The following ATXN8OS variants were observed in gnomAD, a reference collection of about 807,000 sequenced individuals.
ATXN8OS encodes ATXN8 opposite strand (non-protein coding).
intron 2 of ATXN8OS, among the ~76,000 whole-genome samples, chr13:70,124,351 G>T (rs1413146803): frequency 6.6e-6 from 1 of 152,094 alleles, no homozygotes; most frequent in African/African-American, 2.4e-5. Flanking sequence ...TCACGAGGTT[G>T]TGTGCAGAAA....
chr13:70,144,766 A>G (rs1315577208), intron 3 of ATXN8OS, among the ~76,000 whole-genome samples: 3 of 152,142 alleles, frequency 2.0e-5, no homozygotes, highest in Admixed American at 6.6e-5. Context: ...GACATCACCA[A>G]ACTTAAATCA....
At chr13:70,166,219 G>T (rs1347600494) in intron 4 of ATXN8OS, among the ~76,000 whole-genome samples, 1 of 151,902 alleles carries the variant, frequency 6.6e-6, no homozygotes, top group Non-Finnish European at 1.5e-5. Flanking sequence ...TCAATCCTAG[G>T]CCAAAAGAAC....
intron 4 of ATXN8OS, among the ~76,000 whole-genome samples, chr13:70,152,685 A>T (rs1186102468): frequency 1.3e-5 from 2 of 152,102 alleles, no homozygotes; most frequent in African/African-American, 4.8e-5. Flanking sequence ...GAAGCCTCTC[A>T]CGTCTTTTAA....
At chr13:70,110,209 T>C (rs1232954586) in intron 1 of ATXN8OS, among the ~76,000 whole-genome samples, 1 of 152,230 alleles carries the variant, frequency 6.6e-6, no homozygotes, top group East Asian at 1.9e-4. Context: ...AGCCTATTTG[T>C]TAGTCTTGTA....
chr13:70,107,850 C>T (rs1231133925), exon 1 of ATXN8OS: 1 of 610,672 alleles, frequency 1.6e-6, no homozygotes, highest in Non-Finnish European at 2.7e-6. Flanking sequence ...GGGCTGCGCG[C>T]TCTGCCAGGC....
At chr13:70,107,511 G>A, upstream of ATXN8OS, 2 of 1,611,754 alleles carry the variant, frequency 1.2e-6, no homozygotes, top group African/African-American at 1.4e-5. Context: ...TGCTCACACC[G>A]CTTCTCTCTT....
chr13:70,166,565 G>A (rs1456373066), intron 4 of ATXN8OS, among the ~76,000 whole-genome samples: 2 of 152,038 alleles, frequency 1.3e-5, no homozygotes, highest in African/African-American at 2.4e-5. Context: ...AAAAACCCTA[G>A]AAGAAAACGT....
chr13:70,163,370 T>C (rs997503292), intron 4 of ATXN8OS, among the ~76,000 whole-genome samples: 2 of 151,516 alleles, frequency 1.3e-5, no homozygotes, highest in Non-Finnish European at 3.0e-5. Flanking sequence ...CACAAAATCA[T>C]CTCCCTTGAA....
At chr13:70,136,150 T>C (rs138991893) in intron 3 of ATXN8OS, among the ~76,000 whole-genome samples, 252 of 152,310 alleles carry the variant, frequency 1.7e-3, no homozygotes, top group African/African-American at 5.9e-3. Context: ...ATCAGTTGTT[T>C]GCCTGTGATT....
intron 2 of ATXN8OS, among the ~76,000 whole-genome samples, chr13:70,121,309 C>A (rs1888357384): frequency 6.6e-6 from 1 of 152,076 alleles, no homozygotes; most frequent in East Asian, 1.9e-4. Context: ...ACATAAAGAT[C>A]ACTGCTCATG....
intron 4 of ATXN8OS, among the ~76,000 whole-genome samples, chr13:70,150,405 G>A (rs1230813745): frequency 6.6e-6 from 1 of 152,074 alleles, no homozygotes; most frequent in Non-Finnish European, 1.5e-5. Context: ...ATATATTACA[G>A]GGTGTAACAA....
At chr13:70,122,471 T>C (rs1888373026) in intron 2 of ATXN8OS, among the ~76,000 whole-genome samples, 2 of 152,046 alleles carry the variant, frequency 1.3e-5, no homozygotes, top group East Asian at 3.8e-4. Flanking sequence ...AAACATGCAA[T>C]GTCATTCATT....
At chr13:70,154,764 G>C (rs753431453) in intron 4 of ATXN8OS, among the ~76,000 whole-genome samples, 1 of 152,160 alleles carries the variant, frequency 6.6e-6, no homozygotes, top group Non-Finnish European at 1.5e-5. Flanking sequence ...CCTGTTCTCT[G>C]TAACTAGTGA....
intron 4 of ATXN8OS, among the ~76,000 whole-genome samples, chr13:70,166,157 A>G (rs1889073136): frequency 6.6e-6 from 1 of 152,030 alleles, no homozygotes; most frequent in African/African-American, 2.4e-5. Context: ...CCTTTCAACT[A>G]AATTTAAAAT....
At chr13:70,151,359 T>G (rs1350218404) in intron 4 of ATXN8OS, among the ~76,000 whole-genome samples, 1 of 152,116 alleles carries the variant, frequency 6.6e-6, no homozygotes, top group African/African-American at 2.4e-5. Context: ...TTAGACTATT[T>G]TAGGTATCTA....
chr13:70,153,901 G>A (rs1426286724), intron 4 of ATXN8OS, among the ~76,000 whole-genome samples: 1 of 151,984 alleles, frequency 6.6e-6, no homozygotes, highest in East Asian at 1.9e-4. Context: ...TGCCCAAGCT[G>A]ATCTCAAACT....
chr13:70,117,461 C>T (rs1232031200), intron 2 of ATXN8OS, among the ~76,000 whole-genome samples: 2 of 152,044 alleles, frequency 1.3e-5, no homozygotes, highest in Non-Finnish European at 2.9e-5. Context: ...GACAAAAATG[C>T]TATGGGCAGT....
intron 4 of ATXN8OS, among the ~76,000 whole-genome samples, chr13:70,156,675 C>A (rs945949920): frequency 6.6e-6 from 1 of 151,974 alleles, no homozygotes; most frequent in Non-Finnish European, 1.5e-5. Flanking sequence ...CAAATTCAAG[C>A]TTTGTTATAA....
At chr13:70,148,295 A>C (rs556137967) in intron 4 of ATXN8OS, among the ~76,000 whole-genome samples, 1 of 152,334 alleles carries the variant, frequency 6.6e-6, no homozygotes, top group Admixed American at 6.5e-5. Flanking sequence ...TCAGTGAAAT[A>C]CACTTTGTTG....
Sources: gnomAD v4.1 joint callset for allele counts (sites outside exome capture counted in the v4.1 genomes callset) on GRCh38, gnomAD v4.1.1 for gene constraint, MANE v1.5 for transcripts, NCBI Gene and HGNC (gene_info 2026-07-23, HGNC 2026-07-21) for gene names.